Variants in NOL11 observed in about 807,000 individuals in gnomAD.
The protein encoded by NOL11 is nucleolar protein 11.
NOL11 carries 42 observed loss-of-function variants against 93.0 expected under a neutral mutation model. That is an observed-to-expected ratio of 0.45 (90% CI 0.35 to 0.58). The LOEUF is 0.58. Ranked by LOEUF, NOL11 falls within the 20% of genes least tolerant of loss-of-function variation. The pLI is 0.00. For missense variants in NOL11, 775 were observed against 841.8 expected, an observed-to-expected ratio of 0.92 and a Z score of 0.98; for synonymous variants, 296 against 293.7, an observed-to-expected ratio of 1.01 and a Z score of -0.08.
intron 5 of NOL11, among the ~76,000 whole-genome samples, chr17:67,723,192 A>T (rs1472223064): frequency 2.0e-5 from 3 of 150,138 alleles, no homozygotes; most frequent in Non-Finnish European, 4.4e-5. Context: ...TTGTATTTTT[A>T]GTAGAGACGG....
intron 7 of NOL11, among the ~76,000 whole-genome samples, chr17:67,730,587 A>G (rs2143112297): frequency 6.6e-6 from 1 of 152,326 alleles, no homozygotes; most frequent in South Asian, 2.1e-4. Context: ...TCTTTGGGAT[A>G]TACACCTAGC....
chr17:67,738,008 C>T (rs756857044), intron 13 of NOL11, 36 bp downstream of exon 13: 2 of 1,571,120 alleles, frequency 1.3e-6, no homozygotes, highest in South Asian at 2.4e-5. Context: ...TTCTTCACTA[C>T]ATTTATAATC....
At chr17:67,740,399 C>T (rs919707136) in intron 16 of NOL11, among the ~76,000 whole-genome samples, 1 of 151,938 alleles carries the variant, frequency 6.6e-6, no homozygotes. Context: ...CACCTGAGGT[C>T]GGGAGTTCAA....
chr17:67,728,606 T>G (rs954989834), intron 7 of NOL11, among the ~76,000 whole-genome samples: 2 of 152,166 alleles, frequency 1.3e-5, no homozygotes, highest in Non-Finnish European at 2.9e-5. Context: ...CTATAGAGTT[T>G]CCTGTGTCTC....
intron 7 of NOL11, among the ~76,000 whole-genome samples, chr17:67,728,282 T>A (rs2055118485): frequency 6.6e-6 from 1 of 151,898 alleles, no homozygotes; most frequent in Admixed American, 6.6e-5. Flanking sequence ...AATAAATAAA[T>A]AAAATAACTA....
At chr17:67,723,738 CT>C (rs1371257177) in intron 5 of NOL11, among the ~76,000 whole-genome samples, 1 of 143,754 alleles carries the variant, frequency 7.0e-6, no homozygotes, top group Non-Finnish European at 1.5e-5. Flanking sequence ...GTGACCTCAT[CT>C]CTATTAAAAA....
In NOL11 at chr17:67,732,572, T is replaced by TA. The variant is rs111693194; in HGVS notation, c.854-1784dup. ...ACATGGAATTATTTTTCTCTTTTTT[T>TA]AAAAAAATGTTTTATTTTTGGAGAT... On this transcript the variant is annotated intron_variant, in intron 7 of 17. Coordinates refer to ENST00000253247, the MANE Select transcript of NOL11 (RefSeq NM_015462.5). Among the ~76,000 whole-genome samples, 738 of 152,116 alleles carry TA rather than the reference T, an allele frequency of 4.9e-3. 3 individuals are homozygous for TA. Among genetic ancestry groups the TA allele is most frequent in the African/African-American group, 0.017 (715 of 41,474 alleles).
chr17:67,721,607 G>A, intron 4 of NOL11, 81 bp downstream of exon 4: 2 of 1,182,276 alleles, frequency 1.7e-6, no homozygotes, highest in Non-Finnish European at 2.5e-6. Flanking sequence ...AAGTATTTTG[G>A]TTATAAACAT....
intron 4 of NOL11, among the ~76,000 whole-genome samples, chr17:67,722,100 G>C (rs2043221319): frequency 6.6e-6 from 1 of 152,204 alleles, no homozygotes; most frequent in African/African-American, 2.4e-5. Context: ...TTATATATTA[G>C]ACTGACCTGA....
chr17:67,734,875 A>G (rs895769542), intron 8 of NOL11, among the ~76,000 whole-genome samples: 13 of 152,216 alleles, frequency 8.5e-5, no homozygotes, highest in Non-Finnish European at 1.5e-4. Flanking sequence ...ATTATTTTTT[A>G]CCTGAGGGAT....
At chr17:67,727,910 C>A (rs2055112308) in intron 7 of NOL11, among the ~76,000 whole-genome samples, 1 of 92,276 alleles carries the variant, frequency 1.1e-5, no homozygotes, top group Non-Finnish European at 2.0e-5. Context: ...CAGAGTGAGA[C>A]TTTGTCTCAA....
At chr17:67,737,187 G>A (rs2055210292) in intron 11 of NOL11, 42 bp downstream of exon 11, 1 of 1,238,576 alleles carries the variant, frequency 8.1e-7, no homozygotes, top group African/African-American at 1.5e-5. Context: ...AAACTCAAGT[G>A]TTCCAAAGAA....
chr17:67,737,219 G>A (rs2055210640), intron 11 of NOL11, 74 bp downstream of exon 11: 3 of 911,890 alleles, frequency 3.3e-6, no homozygotes, highest in Admixed American at 1.9e-5. Flanking sequence ...TCTTCGTTCT[G>A]TCTTATTTTT....
At chr17:67,740,246 CG>C (rs1047198504) in intron 16 of NOL11, among the ~76,000 whole-genome samples, 1 of 150,114 alleles carries the variant, frequency 6.7e-6, no homozygotes, top group Non-Finnish European at 1.5e-5. Context: ...AAAAAAAAAG[CG>C]GGGGGAATAA....
intron 11 of NOL11, 101 bp from the exon 12 acceptor site, chr17:67,737,407 T>C: frequency 1.0e-6 from 1 of 995,504 alleles, no homozygotes; most frequent in East Asian, 2.4e-5. Context: ...GAATGCATGA[T>C]AACTGTTAGT....
In NOL11 at chr17:67,743,724, C is replaced by CT; in HGVS notation, c.2044-18dup. ...TGTAGACATTATGGTAAAAGTTACTCTGAAACTCTTTTCTTTAGATATCTG... is the reference window on the plus strand; with the variant it reads ...TGTAGACATTATGGTAAAAGTTACTCTTGAAACTCTTTTCTTTAGATATCTG... On this transcript the variant is annotated intron_variant, in intron 17 of 17. Transcript: ENST00000253247. 2 of 1,387,896 alleles carry CT rather than the reference C, an allele frequency of 1.4e-6. No individual in the cohort carries two copies. The highest frequency in any genetic ancestry group is 2.0e-6 in the Non-Finnish European group (2 of 1,017,256). 86.0% of individuals were successfully genotyped at this position (1,387,896 alleles called of 1,614,324 possible). A position where few individuals can be genotyped will look rare whatever the true frequency, so the allele number is the denominator to read the frequency against.
intron 16 of NOL11, among the ~76,000 whole-genome samples, chr17:67,742,527 T>C (rs1290745396): frequency 6.6e-6 from 1 of 152,218 alleles, no homozygotes; most frequent in Non-Finnish European, 1.5e-5. Flanking sequence ...AAAATTAAAG[T>C]TTTCCTCTAT....
At chr17:67,725,692 C>T (rs755090835) in intron 6 of NOL11, among the ~76,000 whole-genome samples, 2 of 152,074 alleles carry the variant, frequency 1.3e-5, no homozygotes, top group Non-Finnish European at 2.9e-5. Context: ...TAAATCTTTA[C>T]GTAACAATTG....
At chr17:67,726,319 A>G (rs1397170075) in intron 6 of NOL11, 141 bp from the exon 7 acceptor site, 1 of 559,482 alleles carries the variant, frequency 1.8e-6, no homozygotes, top group East Asian at 3.3e-5. Context: ...TTTAAGAGAA[A>G]GCACAGTGAT....
Sources: allele counts gnomAD v4.1 joint callset (sites outside exome capture counted in the v4.1 genomes callset), GRCh38; gene constraint gnomAD v4.1.1; transcripts MANE v1.5; gene names NCBI Gene and HGNC (gene_info 2026-07-23, HGNC 2026-07-21).